Variants in B3GALT1 observed in about 807,000 individuals in gnomAD.
The protein encoded by B3GALT1 is UDP-Gal:betaGlcNAc beta 1,3-galactosyltransferase, polypeptide 1.
In B3GALT1, 10 loss-of-function variants were observed where a neutral mutation model predicts 23.2. The ratio of observed to expected loss-of-function variants is 0.43; its 90% confidence interval spans 0.27 to 0.73. B3GALT1 has a LOEUF of 0.73. B3GALT1 is among the 30% of genes least tolerant of loss of function. B3GALT1 has a pLI of 0.21. For synonymous variants in B3GALT1, 156 were observed against 141.5 expected (o/e 1.10, Z -0.73); for missense variants, 299 against 405.4 (o/e 0.74, Z 2.25).
rs893415489 is a variant in B3GALT1 at position 167,869,680 on chromosome 2, G to A, written c.641G>A (p.Arg214Gln). 5.0e-6 allele frequency: 8 copies of A among 1,613,962 alleles called. No individual in the cohort carries two copies. Among genetic ancestry groups the A allele is most frequent in the Admixed American group, 1.7e-5 (1 of 59,978 alleles). Reference protein sequence around the residue: ...TGYVINGGPIRDVRSKWYMPR... With the variant: ...TGYVINGGPIQDVRSKWYMPR... ...TATGTCATTAATGGAGGACCGATTC[G>A]GGATGTCCGCAGTAAGTGGTATATG... Residue 214 changes from arginine (R) to glutamine (Q), a missense_variant, in exon 5 of 5, where the codon CGG becomes CAG. Arg to Gln is a conservative substitution (Grantham distance 43). Coordinates refer to ENST00000392690, the MANE Select transcript of B3GALT1 (RefSeq NM_020981.4). The surrounding 1 kb of genome is among the most constrained non-coding windows in gnomAD (Gnocchi z 6.4).
chr2:167,389,846 G>A (rs1454544965), intron 1 of B3GALT1, among the ~76,000 whole-genome samples: 3 of 149,358 alleles, frequency 2.0e-5, no homozygotes, highest in African/African-American at 7.4e-5. Context: ...AGAAGATGGA[G>A]GCTGCATGGA....
At chr2:167,773,858 C>T (rs1688112847) in intron 3 of B3GALT1, among the ~76,000 whole-genome samples, 1 of 152,210 alleles carries the variant, frequency 6.6e-6, no homozygotes, top group African/African-American at 2.4e-5. Context: ...TCATTCTTGC[C>T]AGTCTACTAA....
intron 2 of B3GALT1, among the ~76,000 whole-genome samples, chr2:167,613,191 C>T (rs1478713577): frequency 1.3e-5 from 2 of 151,700 alleles, no homozygotes; most frequent in Non-Finnish European, 2.9e-5. Flanking sequence ...GATTTTTATC[C>T]TACGTAAATA....
chr2:167,829,354 G>A (rs537984702), intron 4 of B3GALT1, among the ~76,000 whole-genome samples: 2 of 151,984 alleles, frequency 1.3e-5, no homozygotes, highest in East Asian at 3.9e-4. Context: ...CTGGTGGCGG[G>A]TGCCTGTAAT....
At chr2:167,447,934 G>A (rs1021405189) in intron 1 of B3GALT1, among the ~76,000 whole-genome samples, 4 of 152,232 alleles carry the variant, frequency 2.6e-5, no homozygotes, top group South Asian at 2.1e-4. Flanking sequence ...CATCTTCTGC[G>A]TCGCTCATAC....
chr2:167,463,869 A>G (rs1699304468), intron 1 of B3GALT1, among the ~76,000 whole-genome samples: 1 of 152,180 alleles, frequency 6.6e-6, no homozygotes, highest in South Asian at 2.1e-4. Flanking sequence ...TTTACTACAA[A>G]GACAGGAGGC....
chr2:167,424,549 G>GTGTGTGTGTGTGTT (rs1315342516), intron 1 of B3GALT1, among the ~76,000 whole-genome samples: 1 of 151,506 alleles, frequency 6.6e-6, no homozygotes, highest in East Asian at 1.9e-4. Context: ...CTCTACATTA[G>GTGTGTGTGTGTGTT]TGTGTGTGTG....
chr2:167,658,405 A>G (rs186015580), intron 3 of B3GALT1, among the ~76,000 whole-genome samples: 2 of 152,094 alleles, frequency 1.3e-5, no homozygotes, highest in African/African-American at 2.4e-5. Flanking sequence ...TTAGAAAATT[A>G]AAAGAGATTG....
intron 2 of B3GALT1, among the ~76,000 whole-genome samples, chr2:167,495,326 C>CTTTT (rs954749958): frequency 2.3e-3 from 131 of 57,878 alleles, no homozygotes; most frequent in African/African-American, 4.1e-3. Flanking sequence ...GCTTGCTTGC[C>CTTTT]TTTTTTTTTT....
intron 2 of B3GALT1, among the ~76,000 whole-genome samples, chr2:167,583,631 TAA>T (rs1255716049): frequency 6.6e-6 from 1 of 152,222 alleles, no homozygotes; most frequent in Non-Finnish European, 1.5e-5. Flanking sequence ...TTGAATGTCT[TAA>T]AACTTGATGT....
chr2:167,349,653 A>G (rs751751287), intron 1 of B3GALT1, among the ~76,000 whole-genome samples: 1 of 152,164 alleles, frequency 6.6e-6, no homozygotes, highest in Non-Finnish European at 1.5e-5. Context: ...CATGATAAGT[A>G]TGTAGCTAAA....
rs556450077 is a variant in B3GALT1, at chr2:167,648,818, A to G, written c.-352+1852A>G. Among the ~76,000 whole-genome samples, 115 of 152,134 alleles carry G rather than the reference A, an allele frequency of 7.6e-4. 1 individual carries two copies. Among genetic ancestry groups the G allele is most frequent in the Non-Finnish European group, 9.4e-4 (64 of 67,978 alleles). ...CATACTTCTGTTTTTCTTCCATTAG[A>G]TTGACTACTACTGGATGTGTTCCCT... On this transcript the variant is annotated intron_variant, in intron 3 of 4. Coordinates refer to ENST00000392690, the MANE Select transcript of B3GALT1 (RefSeq NM_020981.4).
intron 4 of B3GALT1, among the ~76,000 whole-genome samples, chr2:167,863,403 C>T (rs892050943): frequency 4.6e-5 from 7 of 152,112 alleles, no homozygotes; most frequent in Non-Finnish European, 1.5e-5. Flanking sequence ...ATCATAATAC[C>T]ATCTGCCTGG....
chr2:167,802,553 C>A (rs1183921489), intron 3 of B3GALT1, among the ~76,000 whole-genome samples: 1 of 152,194 alleles, frequency 6.6e-6, no homozygotes, highest in Non-Finnish European at 1.5e-5. Context: ...GAGTTAATAC[C>A]TATTGTTTTG....
chr2:167,435,962 C>A (rs1294168521), intron 1 of B3GALT1, among the ~76,000 whole-genome samples: 1 of 137,796 alleles, frequency 7.3e-6, no homozygotes, highest in Non-Finnish European at 1.5e-5. Flanking sequence ...CAAACACACA[C>A]ACACACACAC....
intron 2 of B3GALT1, among the ~76,000 whole-genome samples, chr2:167,632,563 T>C (rs1023023572): frequency 2.0e-5 from 3 of 152,138 alleles, no homozygotes; most frequent in African/African-American, 7.2e-5. Context: ...AAGTTTTTTT[T>C]TCATATGTTT....
intron 3 of B3GALT1, among the ~76,000 whole-genome samples, chr2:167,765,819 A>G (rs2105303101): frequency 6.6e-6 from 1 of 152,298 alleles, no homozygotes; most frequent in Middle Eastern, 3.4e-3. Flanking sequence ...TCTAAAGTGT[A>G]TTATACCGAT....
chr2:167,725,265 G>C (rs1224670481), intron 3 of B3GALT1, among the ~76,000 whole-genome samples: 1 of 152,158 alleles, frequency 6.6e-6, no homozygotes, highest in Non-Finnish European at 1.5e-5. Context: ...TCTTGTCCTA[G>C]AAGCACTGAC....
intron 1 of B3GALT1, among the ~76,000 whole-genome samples, chr2:167,445,877 T>C (rs925424159): frequency 2.0e-5 from 3 of 152,212 alleles, no homozygotes; most frequent in African/African-American, 4.8e-5. Context: ...AAGGTTCATA[T>C]TGTTATGTGT....
Sources: allele counts gnomAD v4.1 joint callset (sites outside exome capture counted in the v4.1 genomes callset), GRCh38; gene constraint gnomAD v4.1.1; non-coding constraint Gnocchi (gnomAD v3.1); transcripts MANE v1.5; gene names NCBI Gene and HGNC (gene_info 2026-07-23, HGNC 2026-07-21).